The following RARS2 variants were observed in gnomAD, a reference collection of about 807,000 sequenced individuals.
RARS2 encodes arginyl-tRNA synthetase 2, mitochondrial.
In RARS2, 67 loss-of-function variants were observed where a neutral mutation model predicts 88.5. That is an observed-to-expected ratio of 0.76 (90% CI 0.62 to 0.93). RARS2 has a LOEUF of 0.93. Ranked by LOEUF, RARS2 falls within the 40% of genes least tolerant of loss-of-function variation. RARS2 has a pLI of 0.00. For missense variants in RARS2, 664 were observed against 684.2 expected (o/e 0.97, Z 0.33); for synonymous variants, 239 against 230.3 (o/e 1.04, Z -0.34).
chr6:87,533,264 T>A (rs1020949519), intron 8 of RARS2, among the ~76,000 whole-genome samples: 3 of 138,048 alleles, frequency 2.2e-5, no homozygotes, highest in Non-Finnish European at 4.6e-5. Context: ...AAAATAGAAA[T>A]AATTAAAACA....
At chr6:87,578,770 C>A (rs1772402241) in intron 1 of RARS2, among the ~76,000 whole-genome samples, 1 of 151,990 alleles carries the variant, frequency 6.6e-6, no homozygotes. Flanking sequence ...ACCAGCCTGG[C>A]CAACATGGCA....
Position 87,552,067 on chromosome 6 carries a change from A to G in RARS2, c.395+3341T>C, listed in dbSNP as rs564668641. Among the ~76,000 whole-genome samples, 4 of 152,278 alleles carry G rather than the reference A, an allele frequency of 2.6e-5. No individual in the cohort carries two copies. The South Asian group carries it at 8.3e-4, about 32-fold the overall frequency. The stretch of plus-strand genomic sequence containing the variant: ...GACAAAATATATGACAACCTACACT[A>G]CGTACCAGGGAGGCAGTAAAAGTTA... On this transcript the variant is annotated intron_variant, in intron 5 of 19. Coordinates refer to ENST00000369536, the MANE Select transcript of RARS2 (RefSeq NM_020320.5).
intron 10 of RARS2, among the ~76,000 whole-genome samples, chr6:87,529,308 G>A (rs1776708470): frequency 1.3e-5 from 2 of 151,968 alleles, no homozygotes; most frequent in Non-Finnish European, 2.9e-5. Context: ...TATATTTTCT[G>A]TGCTTCAGTT....
In RARS2 at chr6:87,548,653, A is replaced by T; in HGVS notation, c.396-7T>A. On this transcript the variant is annotated splice_region_variant and splice_polypyrimidine_tract_variant and intron_variant, in intron 5 of 19. Transcript: ENST00000369536. ...TTTGGCAACATTAGGTGAACTGCAAAAAAAATGGGAAACATTTCTCTATTC... is the reference window on the plus strand; with the variant it reads ...TTTGGCAACATTAGGTGAACTGCAATAAAAATGGGAAACATTTCTCTATTC... 6.2e-7 allele frequency: 1 copy of T among 1,611,520 alleles called. No homozygotes were observed.
chr6:87,583,459 T>C (rs1299543945), intron 1 of RARS2, among the ~76,000 whole-genome samples: 1 of 151,706 alleles, frequency 6.6e-6, no homozygotes, highest in Non-Finnish European at 1.5e-5. Flanking sequence ...TGTGGTGGCA[T>C]ATACCTGTAA....
intron 1 of RARS2, among the ~76,000 whole-genome samples, chr6:87,573,779 A>G (rs188670113): frequency 6.6e-6 from 1 of 152,364 alleles, no homozygotes; most frequent in Admixed American, 6.5e-5. Context: ...TTCAACCAAC[A>G]TCAAAAAGAA....
intron 6 of RARS2, among the ~76,000 whole-genome samples, chr6:87,547,229 C>G (rs982581084): frequency 3.3e-5 from 5 of 152,204 alleles, no homozygotes; most frequent in Non-Finnish European, 7.3e-5. Flanking sequence ...TTTACTCACT[C>G]CTATACTTTT....
chr6:87,514,636 C>A, intron 19 of RARS2, 137 bp from the exon 20 acceptor site: 1 of 791,378 alleles, frequency 1.3e-6, no homozygotes. Flanking sequence ...TTACTATAGG[C>A]AAGAGAAGAT....
At chr6:87,585,098 CA>C (rs766022096) in intron 1 of RARS2, among the ~76,000 whole-genome samples, 11 of 152,090 alleles carry the variant, frequency 7.2e-5, no homozygotes, top group Non-Finnish European at 1.5e-4. Flanking sequence ...GATTAGCATC[CA>C]AGATGGAGTT....
chr6:87,530,810 T>C lies in RARS2; in HGVS notation c.745A>G (p.Ile249Val). Residue 249 changes from isoleucine (I) to valine (V), a missense_variant, in exon 9 of 20, where the codon ATT (isoleucine) becomes GTT (valine). Coordinates refer to ENST00000369536, the MANE Select transcript of RARS2 (RefSeq NM_020320.5). ...SLWQKFRDLSIEEYIRVYKRL... is the reference protein window; with the variant it reads ...SLWQKFRDLSVEEYIRVYKRL... ...TTGTAAACCCGAATGTACTCTTCAA[T>C]GCTCAAGTCCCGAAATTTTTGCCAC... 3.7e-6 allele frequency: 6 copies of C among 1,614,210 alleles called. No individual in the cohort carries two copies. The highest frequency in any genetic ancestry group is 4.2e-6 in the Non-Finnish European group (5 of 1,180,022).
Position 87,516,898 on chromosome 6 carries a change from C to G in RARS2, c.1512-18G>C. On this transcript the variant is annotated intron_variant, in intron 17 of 19. Transcript: ENST00000369536. ...CGTCGAACCTAAAAGATGACAGGAA[C>G]AGTGAACAGGAAAAGACTGTACACA... 1.2e-6 allele frequency: 2 copies of G among 1,613,134 alleles called. No homozygotes were observed. The highest frequency in any genetic ancestry group is 1.7e-4 in the Middle Eastern group (1 of 6,060).
intron 1 of RARS2, among the ~76,000 whole-genome samples, chr6:87,570,627 C>T (rs149216567): frequency 1.1e-3 from 173 of 152,194 alleles, no homozygotes; most frequent in African/African-American, 3.9e-3. Flanking sequence ...GCCATTTTGG[C>T]CAGGCTGGTC....
intron 4 of RARS2, among the ~76,000 whole-genome samples, chr6:87,559,883 T>C (rs1787306198): frequency 6.6e-6 from 1 of 152,196 alleles, no homozygotes; most frequent in African/African-American, 2.4e-5. Flanking sequence ...TTATATTTAA[T>C]ACCATATTTT....
At chr6:87,553,137 T>C (rs1273151215) in intron 5 of RARS2, among the ~76,000 whole-genome samples, 3 of 152,202 alleles carry the variant, frequency 2.0e-5, no homozygotes, top group Non-Finnish European at 2.9e-5. Context: ...GTTTCAAGAC[T>C]AGATGATTTC....
At chr6:87,519,182 A>ATTTGTGTGTG in intron 14 of RARS2, 1 of 204,152 alleles carries the variant, frequency 4.9e-6, no homozygotes. Context: ...ATATAAATAT[A>ATTTGTGTGTG]TATGTGTGTG....
chr6:87,556,848 C>T (rs972404213), intron 4 of RARS2, among the ~76,000 whole-genome samples: 1 of 148,726 alleles, frequency 6.7e-6, no homozygotes, highest in African/African-American at 2.5e-5. Flanking sequence ...GTCTCTCGCT[C>T]ACTCTGTCGC....
intron 12 of RARS2, 78 bp from the exon 13 acceptor site, chr6:87,520,334 T>A: frequency 8.4e-7 from 1 of 1,189,186 alleles, no homozygotes; most frequent in Non-Finnish European, 1.2e-6. Context: ...TGAATCAAAT[T>A]AAGATATTTG....
intron 4 of RARS2, among the ~76,000 whole-genome samples, chr6:87,561,491 T>C (rs985744986): frequency 6.6e-6 from 1 of 152,220 alleles, no homozygotes; most frequent in African/African-American, 2.4e-5. Context: ...GAATCTGTGC[T>C]CCTCAGCTGC....
At chr6:87,579,313 T>C (rs1168499307) in intron 1 of RARS2, among the ~76,000 whole-genome samples, 1 of 152,166 alleles carries the variant, frequency 6.6e-6, no homozygotes. Flanking sequence ...ACGTGGGCTC[T>C]GGGCAGAAGG....
Sources: gnomAD v4.1 joint callset for allele counts (sites outside exome capture counted in the v4.1 genomes callset) on GRCh38, gnomAD v4.1.1 for gene constraint, MANE v1.5 for transcripts, NCBI Gene and HGNC (gene_info 2026-07-23, HGNC 2026-07-21) for gene names.